The following ZNF438 variants were observed in gnomAD, a reference collection of about 807,000 sequenced individuals.
The protein encoded by ZNF438 is zinc finger protein 438.
In ZNF438, 25 loss-of-function variants were observed where a neutral mutation model predicts 38.0. That is an observed-to-expected ratio of 0.66 (90% CI 0.48 to 0.92). ZNF438 has a LOEUF of 0.92. ZNF438 is among the 40% of genes least tolerant of loss of function. The pLI, the probability that ZNF438 is intolerant of heterozygous loss-of-function variation, is 0.00. For synonymous variants in ZNF438, 372 were observed against 364.1 expected, an observed-to-expected ratio of 1.02 and a Z score of -0.25; for missense variants, 1,007 against 999.6, an observed-to-expected ratio of 1.01 and a Z score of -0.10.
chr10:31,020,512 G>C (rs1273473637), intron 1 of ZNF438, among the ~76,000 whole-genome samples: 1 of 152,098 alleles, frequency 6.6e-6, no homozygotes, highest in African/African-American at 2.4e-5. Context: ...AGTTAGTCTG[G>C]AGCCCCAATA....
intron 4 of ZNF438, among the ~76,000 whole-genome samples, chr10:30,870,286 G>T (rs1358842262): frequency 6.6e-6 from 1 of 151,396 alleles, no homozygotes. Context: ...GTCATTCATG[G>T]ACATGTGTGG....
At chr10:30,844,880 C>A in exon 6 of ZNF438, 1 of 1,501,738 alleles carries the variant, frequency 6.7e-7, no homozygotes. Flanking sequence ...ATCTTTGTGA[C>A]TAAGCACCAC....
At chr10:30,940,169 T>A (rs371777410) in intron 2 of ZNF438, among the ~76,000 whole-genome samples, 84 of 152,312 alleles carry the variant, frequency 5.5e-4, no homozygotes, top group African/African-American at 1.8e-3. Flanking sequence ...CAGCACACTC[T>A]TAATTTATTA....
At position 30,890,104 on chromosome 10, in the gene ZNF438, G is replaced by GA. The variant is rs1229234752; in HGVS notation, c.-31-13040dup. The stretch of plus-strand genomic sequence containing the variant: ...TTTCCAAAAAAAAAAAAAAAAAAAA[G>GA]AAAAAAAAAGAAATGTACTAGAATA... On this transcript the variant is annotated intron_variant, in intron 3 of 5. Transcript: ENST00000413025. Among the ~76,000 whole-genome samples the GA allele has an allele frequency of 2.3e-4, 28 of 120,884 alleles. No individual in the cohort carries two copies. In the East Asian group the frequency reaches 2.3e-3, roughly 10 times the overall value. 79.3% of individuals were successfully genotyped at this position (120,884 alleles called of 152,430 possible).
At chr10:30,941,323 C>T (rs573831142) in intron 2 of ZNF438, among the ~76,000 whole-genome samples, 6 of 152,254 alleles carry the variant, frequency 3.9e-5, no homozygotes, top group South Asian at 2.1e-4. Context: ...CCACCCATCT[C>T]GGCCTCCCAA....
At chr10:30,944,019 G>A (rs2047100595) in intron 1 of ZNF438, among the ~76,000 whole-genome samples, 1 of 152,188 alleles carries the variant, frequency 6.6e-6, no homozygotes, top group Non-Finnish European at 1.5e-5. Flanking sequence ...ATAAGGAACT[G>A]AAAGTAAGTC....
intron 1 of ZNF438, among the ~76,000 whole-genome samples, chr10:30,956,961 C>A (rs894667087): frequency 1.1e-4 from 16 of 152,138 alleles, no homozygotes. Flanking sequence ...TTTTAAAGAA[C>A]TTCCATGCTG....
intron 1 of ZNF438, among the ~76,000 whole-genome samples, chr10:30,956,693 A>G (rs2048902052): frequency 6.6e-6 from 1 of 152,194 alleles, no homozygotes; most frequent in African/African-American, 2.4e-5. Context: ...GGGTTCATCC[A>G]TGTTCACTGC....
intron 1 of ZNF438, among the ~76,000 whole-genome samples, chr10:30,976,744 A>T (rs965670364): frequency 6.6e-6 from 1 of 151,988 alleles, no homozygotes; most frequent in African/African-American, 2.4e-5. Context: ...ATTTAATAAA[A>T]AAAAAAAAAA....
chr10:30,914,894 A>G (rs566719178), intron 2 of ZNF438, among the ~76,000 whole-genome samples: 3 of 152,190 alleles, frequency 2.0e-5, no homozygotes, highest in African/African-American at 7.2e-5. Flanking sequence ...AATGACATAA[A>G]CAACTATTTA....
chr10:30,932,803 T>C (rs149163332), intron 2 of ZNF438, among the ~76,000 whole-genome samples: 134 of 152,320 alleles, frequency 8.8e-4, no homozygotes, highest in African/African-American at 3.0e-3. Flanking sequence ...GGTTAGGGTG[T>C]GCCCTAATCC....
At chr10:30,996,207 T>G (rs1473573854) in intron 1 of ZNF438, among the ~76,000 whole-genome samples, 1 of 152,086 alleles carries the variant, frequency 6.6e-6, no homozygotes, top group Non-Finnish European at 1.5e-5. Context: ...CTGAGACCTA[T>G]AGAAAACAAA....
intron 2 of ZNF438, among the ~76,000 whole-genome samples, chr10:30,911,483 C>T (rs898409514): frequency 3.3e-5 from 5 of 152,084 alleles, no homozygotes; most frequent in African/African-American, 1.2e-4. Flanking sequence ...TCATGCCTCC[C>T]GTCTCCTTCT....
intron 4 of ZNF438, among the ~76,000 whole-genome samples, chr10:30,861,861 G>A (rs573053432): frequency 2.6e-5 from 4 of 152,298 alleles, no homozygotes; most frequent in African/African-American, 9.6e-5. Flanking sequence ...AAACATCCAA[G>A]CCAGTATCTT....
chr10:30,952,542 A>C (rs1483160751), intron 1 of ZNF438, among the ~76,000 whole-genome samples: 4 of 147,952 alleles, frequency 2.7e-5, no homozygotes, highest in African/African-American at 9.8e-5. Context: ...AATAAACTCA[A>C]ACAAATTTAC....
intron 1 of ZNF438, among the ~76,000 whole-genome samples, chr10:30,973,719 T>C (rs1329120432): frequency 6.6e-6 from 1 of 152,306 alleles, no homozygotes; most frequent in Admixed American, 6.5e-5. Context: ...CAAAGCCCAC[T>C]GTCCAGTCTT....
rs77506150 is a variant in ZNF438 at position 30,966,968 on chromosome 10, G to A, written c.-191-25317C>T. ...AACTCTTTCAAAGAGATACTGTTTCGTTTCAGTCCCCAAGTCCCTAGGTTC... is the reference window on the plus strand; with the variant it reads ...AACTCTTTCAAAGAGATACTGTTTCATTTCAGTCCCCAAGTCCCTAGGTTC... On this transcript the variant is annotated intron_variant, in intron 1 of 5. Transcript: ENST00000413025. Among the ~76,000 whole-genome samples the A allele has an allele frequency of 1.7e-4, 26 of 152,200 alleles. No individual in the cohort carries two copies. The East Asian group carries it at 4.1e-3, about 24-fold the overall frequency.
At chr10:30,912,027 C>A (rs552045814) in intron 2 of ZNF438, among the ~76,000 whole-genome samples, 2 of 152,136 alleles carry the variant, frequency 1.3e-5, no homozygotes, top group Non-Finnish European at 2.9e-5. Context: ...TTACGCAGAT[C>A]TTTTTGCACT....
At chr10:30,936,371 T>C (rs544346136) in intron 2 of ZNF438, among the ~76,000 whole-genome samples, 5 of 152,250 alleles carry the variant, frequency 3.3e-5, no homozygotes, top group African/African-American at 1.2e-4. Context: ...GAAATCTAAA[T>C]AGCTATTAGA....
Sources: gnomAD v4.1 joint callset for allele counts (sites outside exome capture counted in the v4.1 genomes callset) on GRCh38, gnomAD v4.1.1 for gene constraint, MANE v1.5 for transcripts, NCBI Gene and HGNC (gene_info 2026-07-23, HGNC 2026-07-21) for gene names.